EBF2: variants seen among roughly 807,000 people sequenced by gnomAD.
EBF2 encodes transcription factor COE2.
Under a neutral mutation model 72.8 loss-of-function variants are expected in EBF2, and 21 were observed. The ratio of observed to expected loss-of-function variants is 0.29; its 90% CI spans 0.20 to 0.42. EBF2 has a LOEUF of 0.42. Ranked by LOEUF, EBF2 falls within the 10% of genes least tolerant of loss-of-function variation. The pLI, the probability that EBF2 is intolerant of heterozygous loss-of-function variation, is 1.00. For synonymous variants in EBF2, 299 were observed against 274.2 expected, an observed-to-expected ratio of 1.09 and a Z score of -0.89; for missense variants, 637 against 731.2, an observed-to-expected ratio of 0.87 and a Z score of 1.49.
intron 7 of EBF2, among the ~76,000 whole-genome samples, chr8:25,904,512 A>T (rs1803005810): frequency 6.6e-6 from 1 of 152,192 alleles, no homozygotes; most frequent in African/African-American, 2.4e-5. Flanking sequence ...TATTCCATTC[A>T]GATCAAATCC....
chr8:25,982,919 A>G (rs1351183898), intron 6 of EBF2, among the ~76,000 whole-genome samples: 1 of 151,234 alleles, frequency 6.6e-6, no homozygotes, highest in East Asian at 1.9e-4. Flanking sequence ...TTTATATATT[A>G]TGTTAAATTT....
At chr8:25,995,194 T>A (rs896322024) in intron 6 of EBF2, among the ~76,000 whole-genome samples, 2 of 152,032 alleles carry the variant, frequency 1.3e-5, no homozygotes, top group Non-Finnish European at 2.9e-5. Context: ...TAATCCCAGC[T>A]ACTTGGGAGG....
chr8:25,947,012 A>G (rs1022896466), intron 6 of EBF2, among the ~76,000 whole-genome samples: 2 of 152,162 alleles, frequency 1.3e-5, no homozygotes, highest in Admixed American at 6.5e-5. Flanking sequence ...TAGTCCTCAC[A>G]CAGCTCTTCT....
At chr8:26,029,296 G>A (rs1049833818) in intron 6 of EBF2, among the ~76,000 whole-genome samples, 3 of 152,208 alleles carry the variant, frequency 2.0e-5, no homozygotes, top group Admixed American at 1.3e-4. Context: ...TCCCAAGTCA[G>A]TGTGGTAACA....
chr8:25,981,080 C>T (rs73555934), intron 6 of EBF2, among the ~76,000 whole-genome samples: 1 of 152,074 alleles, frequency 6.6e-6, no homozygotes, highest in Non-Finnish European at 1.5e-5. Context: ...CCTCTCTAAG[C>T]CTTGCTCCTC....
intron 10 of EBF2, among the ~76,000 whole-genome samples, chr8:25,865,467 G>A (rs1351602645): frequency 1.3e-5 from 2 of 152,102 alleles, no homozygotes; most frequent in African/African-American, 4.8e-5. Flanking sequence ...AGTAGATCTA[G>A]GGTCTGAATT....
intron 15 of EBF2, among the ~76,000 whole-genome samples, chr8:25,848,035 A>G (rs545755201): frequency 6.6e-6 from 1 of 152,152 alleles, no homozygotes; most frequent in Non-Finnish European, 1.5e-5. Context: ...CTTTTAAAAA[A>G]AAACCTATAA....
chr8:25,848,056 C>A (rs1801874880), intron 15 of EBF2, among the ~76,000 whole-genome samples: 1 of 151,170 alleles, frequency 6.6e-6, no homozygotes, highest in African/African-American at 2.5e-5. Flanking sequence ...AAACTTTTAT[C>A]TTTTAGAGAT....
intron 6 of EBF2, among the ~76,000 whole-genome samples, chr8:25,971,105 G>T (rs1804182803): frequency 6.6e-6 from 1 of 152,112 alleles, no homozygotes; most frequent in African/African-American, 2.4e-5. Flanking sequence ...AAAGTGCTGG[G>T]ATTACAGGCA....
rs77594788 is a variant in EBF2, at chr8:25,915,653, C to T, written c.552-7098G>A. On this transcript the variant is annotated intron_variant, in intron 6 of 15. Coordinates refer to ENST00000520164, the MANE Select transcript of EBF2 (RefSeq NM_022659.4). ...GTTACTCAAGTGCATGAGGAAGATTCAGGACCATTTGTCTATGAAGACGAT... is the reference window on the plus strand; with the variant it reads ...GTTACTCAAGTGCATGAGGAAGATTTAGGACCATTTGTCTATGAAGACGAT... Among the ~76,000 whole-genome samples the T allele has an allele frequency of 3.4e-3, 492 of 146,624 alleles. 7 individuals are homozygous for T. The highest frequency in any genetic ancestry group is 0.012 in the African/African-American group (473 of 40,000).
chr8:25,850,780 A>G lies in EBF2; in HGVS notation c.1529-19T>C. 1 of 1,547,324 alleles carries G rather than the reference A, an allele frequency of 6.5e-7. No homozygotes were observed. Among genetic ancestry groups the G allele is most frequent in the African/African-American group, 1.4e-5 (1 of 69,862 alleles). ...GACATGACTGGAAAGCAAATGCACAATCCTCATTTAGAAATTAAGATCTTC... is the reference window on the plus strand; with the variant it reads ...GACATGACTGGAAAGCAAATGCACAGTCCTCATTTAGAAATTAAGATCTTC... On this transcript the variant is annotated intron_variant, in intron 14 of 15. Transcript: ENST00000520164.
Position 26,042,918 on chromosome 8 carries a change from G to A in EBF2, c.132-667C>T, listed in dbSNP as rs150623516. On this transcript the variant is annotated intron_variant, in intron 1 of 15. Transcript: ENST00000520164. ...GGGACAGAGACAGGGCGGAATCCTCGCGACCAGCCCCGGGGATCGCTGGCC... is the reference window on the plus strand; with the variant it reads ...GGGACAGAGACAGGGCGGAATCCTCACGACCAGCCCCGGGGATCGCTGGCC... 4.6e-3 allele frequency among the ~76,000 whole-genome samples: 701 copies of A among 152,280 alleles called. 3 individuals are homozygous for A. Among genetic ancestry groups the A allele is most frequent in the African/African-American group, 0.016 (662 of 41,560 alleles).
At chr8:26,041,023 C>G in intron 2 of EBF2, 21 bp from the exon 3 acceptor site, 1 of 1,613,638 alleles carries the variant, frequency 6.2e-7, no homozygotes, top group Non-Finnish European at 8.5e-7. Flanking sequence ...AGGCAGCGTT[C>G]GATTCCCTTG....
intron 6 of EBF2, among the ~76,000 whole-genome samples, chr8:25,975,272 A>C (rs1447015015): frequency 6.6e-6 from 1 of 152,220 alleles, no homozygotes; most frequent in Admixed American, 6.5e-5. Flanking sequence ...CAGCAGTTTA[A>C]CATCATGCAA....
intron 6 of EBF2, among the ~76,000 whole-genome samples, chr8:26,005,563 G>GAGAGAGAT (rs1804864211): frequency 3.8e-5 from 1 of 26,558 alleles, no homozygotes; most frequent in African/African-American, 2.0e-4. Context: ...TATATATATA[G>GAGAGAGAT]AGAGAGAGAG....
rs117874545 is a variant in EBF2 at position 26,028,104 on chromosome 8, C to G, written c.551+4981G>C. 5.4e-3 allele frequency among the ~76,000 whole-genome samples: 819 copies of G among 152,132 alleles called. 6 individuals are homozygous for G. Among genetic ancestry groups the G allele is most frequent in the Non-Finnish European group, 6.9e-3 (471 of 68,004 alleles). On this transcript the variant is annotated intron_variant, in intron 6 of 15. Coordinates refer to ENST00000520164, the MANE Select transcript of EBF2 (RefSeq NM_022659.4). The stretch of plus-strand genomic sequence containing the variant: ...CCACCAAACTACACACTTAAAATGG[C>G]TAAGATGGTAAATTTTATATGTATT...
intron 7 of EBF2, among the ~76,000 whole-genome samples, chr8:25,893,923 T>A (rs1236372265): frequency 6.6e-6 from 1 of 152,252 alleles, no homozygotes; most frequent in Non-Finnish European, 1.5e-5. Context: ...TGGCCTCTCA[T>A]GACAGCTAGG....
At chr8:25,970,880 TGG>T (rs1804179202) in intron 6 of EBF2, among the ~76,000 whole-genome samples, 1 of 152,212 alleles carries the variant, frequency 6.6e-6, no homozygotes, top group African/African-American at 2.4e-5. Flanking sequence ...TCACCCAGGC[TGG>T]AGTGCAGTGG....
intron 7 of EBF2, among the ~76,000 whole-genome samples, chr8:25,907,474 A>G (rs1803056207): frequency 6.6e-6 from 1 of 150,700 alleles, no homozygotes; most frequent in Admixed American, 6.6e-5. Context: ...TTTCAAGAAG[A>G]CAACAGCAAA....
Sources: gnomAD v4.1 joint callset for allele counts (sites outside exome capture counted in the v4.1 genomes callset) on GRCh38, gnomAD v4.1.1 for gene constraint, MANE v1.5 for transcripts, NCBI Gene and HGNC (gene_info 2026-07-23, HGNC 2026-07-21) for gene names.